Variants in PRDM5 observed in about 807,000 individuals in gnomAD.
The protein encoded by PRDM5 is PR domain zinc finger protein 5.
Under a neutral mutation model 81.2 loss-of-function variants are expected in PRDM5, and 56 were observed. The observed-to-expected ratio is 0.69, with a 90% CI of 0.56 to 0.86. The LOEUF is 0.86. Among genes scored for constraint, PRDM5 ranks in the 40% least tolerant of loss-of-function variants. The probability of loss-of-function intolerance (pLI) is 0.00; values close to 1 mark genes in which losing one functional copy is unlikely to be tolerated. For missense variants in PRDM5, 697 were observed against 770.1 expected (o/e 0.91, Z 1.12); for synonymous variants, 267 against 256.4 (o/e 1.04, Z -0.39).
At chr4:120,820,670 C>T (rs1202184719) in intron 4 of PRDM5, among the ~76,000 whole-genome samples, 2 of 152,188 alleles carry the variant, frequency 1.3e-5, no homozygotes, top group African/African-American at 4.8e-5. Context: ...AAAGAGATGC[C>T]AAGAAGCTGC....
At chr4:120,787,853 A>G (rs1297512660) in intron 10 of PRDM5, among the ~76,000 whole-genome samples, 1 of 152,198 alleles carries the variant, frequency 6.6e-6, no homozygotes, top group Non-Finnish European at 1.5e-5. Context: ...TCAAGTCTGG[A>G]TAATAAGGTA....
chr4:120,914,772 T>C (rs1418993753), intron 1 of PRDM5, among the ~76,000 whole-genome samples: 1 of 152,144 alleles, frequency 6.6e-6, no homozygotes, highest in African/African-American at 2.4e-5. Context: ...CATCAGCCTA[T>C]GAGTGGATAA....
At chr4:120,900,773 A>C (rs916381255) in intron 2 of PRDM5, among the ~76,000 whole-genome samples, 5 of 152,192 alleles carry the variant, frequency 3.3e-5, no homozygotes. Flanking sequence ...AAATCTTATA[A>C]TGATGTCTTT....
intron 11 of PRDM5, among the ~76,000 whole-genome samples, chr4:120,782,608 A>C (rs1021523148): frequency 2.0e-4 from 31 of 152,130 alleles, no homozygotes; most frequent in African/African-American, 7.0e-4. Context: ...ACAATGCATG[A>C]ACTATGTGGA....
chr4:120,703,222 G>GTCAC (rs1168417806), intron 15 of PRDM5, among the ~76,000 whole-genome samples: 3 of 152,028 alleles, frequency 2.0e-5, no homozygotes, highest in African/African-American at 4.8e-5. Context: ...GTGTCTCTCT[G>GTCAC]TCACCCAGGC....
intron 14 of PRDM5, among the ~76,000 whole-genome samples, chr4:120,713,151 T>C (rs1226612255): frequency 6.6e-6 from 1 of 152,210 alleles, no homozygotes; most frequent in African/African-American, 2.4e-5. Context: ...TTTTAAACTA[T>C]TATGCTATTG....
At chr4:120,798,966 T>A (rs1751730204) in intron 9 of PRDM5, among the ~76,000 whole-genome samples, 1 of 152,164 alleles carries the variant, frequency 6.6e-6, no homozygotes, top group Non-Finnish European at 1.5e-5. Context: ...AGATAACAGG[T>A]TTTGATCTGA....
Position 120,755,552 on chromosome 4 carries a change from C to G in PRDM5, c.1538-914G>C, listed in dbSNP as rs147793411. 3.0e-3 allele frequency among the ~76,000 whole-genome samples: 453 copies of G among 152,284 alleles called. 3 individuals carry two copies. Among genetic ancestry groups the G allele is most frequent in the South Asian group, 7.7e-3 (37 of 4,818 alleles). On this transcript the variant is annotated intron_variant, in intron 13 of 15. Coordinates refer to ENST00000264808, the MANE Select transcript of PRDM5 (RefSeq NM_018699.4). ...CTTCTGACTAGCAGTGTATGTTCTT[C>G]CTCTACTCTCTCATGTTCCATTTGG...
At chr4:120,918,759 C>T (rs938443325) in intron 1 of PRDM5, among the ~76,000 whole-genome samples, 1 of 150,918 alleles carries the variant, frequency 6.6e-6, no homozygotes, top group Non-Finnish European at 1.5e-5. Flanking sequence ...CTGTGGAAGG[C>T]ATAGGAATCT....
intron 14 of PRDM5, among the ~76,000 whole-genome samples, chr4:120,753,970 G>C (rs1744358617): frequency 1.3e-5 from 2 of 152,150 alleles, no homozygotes; most frequent in African/African-American, 4.8e-5. Context: ...GCTTGAGTCT[G>C]GAAAAGGCAT....
chr4:120,817,424 A>G (rs1754676880), intron 5 of PRDM5, among the ~76,000 whole-genome samples: 1 of 152,196 alleles, frequency 6.6e-6, no homozygotes, highest in African/African-American at 2.4e-5. Flanking sequence ...AGCCTATGTT[A>G]AAGATTTCTT....
intron 14 of PRDM5, among the ~76,000 whole-genome samples, chr4:120,750,718 A>ACACG (rs1240938492): frequency 1.1e-3 from 160 of 150,010 alleles, no homozygotes; most frequent in African/African-American, 1.6e-3. Context: ...ACACACACAC[A>ACACG]CGCGCACACA....
chr4:120,788,756 C>T lies in PRDM5; in HGVS notation c.1189-3665G>A, dbSNP rs116253607. On this transcript the variant is annotated intron_variant, in intron 10 of 15. Coordinates refer to ENST00000264808, the MANE Select transcript of PRDM5 (RefSeq NM_018699.4). ...CTAGATATTGGCCTAAAGCCAATGACATATTTTAAGTAGTAAGATGTCTGT... is the reference window on the plus strand; with the variant it reads ...CTAGATATTGGCCTAAAGCCAATGATATATTTTAAGTAGTAAGATGTCTGT... Among the ~76,000 whole-genome samples, 339 of 152,278 alleles carry T rather than the reference C, an allele frequency of 2.2e-3. 1 individual carries two copies. The highest frequency in any genetic ancestry group is 0.01 in the Middle Eastern group (3 of 294).
At chr4:120,727,923 G>A (rs13114248) in intron 14 of PRDM5, among the ~76,000 whole-genome samples, 16,658 of 149,672 alleles carry the variant, frequency 0.11, 1,216 homozygotes, top group Non-Finnish European at 0.17. Flanking sequence ...GTGACAGAGT[G>A]AGACTCCATC....
rs1170050475 is a variant in PRDM5, at chr4:120,904,189, C to CAAAAAAAAAAAAAAAAAAAAAAAAAAAAA, written c.177+3284_177+3285insTTTTTTTTTTTTTTTTTTTTTTTTTTTTT. Among the ~76,000 whole-genome samples the CAAAAAAAAAAAAAAAAAAAAAAAAAAAAA allele has an allele frequency of 4.7e-5, 2 of 42,590 alleles. 1 individual carries two copies. Among genetic ancestry groups the CAAAAAAAAAAAAAAAAAAAAAAAAAAAAA allele is most frequent in the African/African-American group, 2.1e-4 (2 of 9,328 alleles). The allele number at this position is 42,590 out of a possible 152,430, so 27.9% of individuals were successfully genotyped here. On this transcript the variant is annotated intron_variant, in intron 2 of 15. Transcript: ENST00000264808. ...TGGGTGACAGAGGGAGACTCCTTCT[C>CAAAAAAAAAAAAAAAAAAAAAAAAAAAAA]AAAAAAAAAAAAAAAACAAAAAAAC...
chr4:120,773,777 T>G (rs1033456787), intron 13 of PRDM5, among the ~76,000 whole-genome samples: 9 of 152,202 alleles, frequency 5.9e-5, no homozygotes, highest in African/African-American at 1.9e-4. Context: ...ACTACATATC[T>G]GTGAGGCCAG....
chr4:120,744,693 A>C (rs1050156936), intron 14 of PRDM5, among the ~76,000 whole-genome samples: 1 of 151,584 alleles, frequency 6.6e-6, no homozygotes, highest in Non-Finnish European at 1.5e-5. Context: ...GAAATGGATA[A>C]ATTCCTTGAC....
intron 13 of PRDM5, among the ~76,000 whole-genome samples, chr4:120,764,521 C>G (rs1232171995): frequency 1.3e-5 from 2 of 151,848 alleles, no homozygotes; most frequent in Non-Finnish European, 2.9e-5. Flanking sequence ...GAATGTCTGT[C>G]TCTTAAGTTG....
At chr4:120,919,046 C>A (rs77961893) in intron 1 of PRDM5, among the ~76,000 whole-genome samples, 1 of 152,132 alleles carries the variant, frequency 6.6e-6, no homozygotes, top group Non-Finnish European at 1.5e-5. Context: ...AACAGGCTGG[C>A]TCTCTGCACT....
Sources: allele counts gnomAD v4.1 joint callset (sites outside exome capture counted in the v4.1 genomes callset), GRCh38; gene constraint gnomAD v4.1.1; transcripts MANE v1.5; gene names NCBI Gene and HGNC (gene_info 2026-07-23, HGNC 2026-07-21).